The following SBSN variants were observed in gnomAD, a reference collection of about 807,000 sequenced individuals.
The protein encoded by SBSN is HLAR698.
A neutral mutation model predicts 42.8 loss-of-function variants in SBSN; 33 were observed. The ratio of observed to expected loss-of-function variants is 0.77; its 90% CI spans 0.58 to 1.03. SBSN has a LOEUF of 1.03. Ranked by LOEUF, SBSN falls within the 50% of genes least tolerant of loss-of-function variation. The pLI is 0.00. For synonymous variants in SBSN, 276 were observed against 307.0 expected (o/e 0.90, Z 1.06); for missense variants, 646 against 757.3 (o/e 0.85, Z 1.72).
At position 35,527,510 on chromosome 19, in the gene SBSN, C is replaced by T. The variant is rs756150569; in HGVS notation, c.772G>A (p.Gly258Arg). 3 of 1,534,194 alleles carry T rather than the reference C, an allele frequency of 2.0e-6. No homozygotes were observed. The Admixed American group carries it at 6.1e-5, about 31-fold the overall frequency. The change falls in exon 1 of 4, where the codon GGG becomes AGG. Residue 258 changes from glycine (G) to arginine (R), a missense_variant. By Grantham distance (125) the Gly-to-Arg change is moderately radical (BLOSUM62 -2). This residue lies in a region of SBSN where 220 missense variants were observed against 334.5 expected (regional missense o/e 0.66). Coordinates refer to ENST00000452271, the MANE Select transcript of SBSN (RefSeq NM_001166034.2). ...TGGTGGACCCCCTGGCCAAATCTCC[C>T]TGCCTCATTTCCGGCCTGCCCCGCA... The part of the protein sequence containing the change: ...HAAGQAGNEA[G>R]RFGQGVHHGL...
chr19:35,527,861 C>A lies in SBSN; in HGVS notation c.421G>T (p.Gly141Trp), dbSNP rs764568346. ...DKLIHHGVHH[G>W]ANQAGSEAGK... ...GCCTCACTTCCCGCCTGGTTGGCCCCGTGATGGACCCCATGATGGATCAGT... is the reference window on the plus strand; with the variant it reads ...GCCTCACTTCCCGCCTGGTTGGCCCAGTGATGGACCCCATGATGGATCAGT... Residue 141 changes from glycine to tryptophan, a missense_variant, in exon 1 of 4, where the codon GGG becomes TGG. Around this residue, in one of 3 missense-constraint regions of SBSN, gnomAD observed 190 missense variants for 197.1 expected, o/e 0.96. Coordinates refer to ENST00000452271, the MANE Select transcript of SBSN (RefSeq NM_001166034.2). 2.5e-6 allele frequency: 4 copies of A among 1,614,154 alleles called. No individual in the cohort carries two copies. The highest frequency in any genetic ancestry group is 3.3e-5 in the Admixed American group (2 of 60,018).
chr19:35,526,568 G>A (rs1385475399), intron 1 of SBSN, 76 bp downstream of exon 1: 2 of 610,738 alleles, frequency 3.3e-6, no homozygotes, highest in Non-Finnish European at 2.4e-6. Context: ...CCCCCGCCCC[G>A]CCAAATGTCC....
intron 3 of SBSN, 71 bp from the exon 4 acceptor site, chr19:35,523,604 C>T (rs556157514): frequency 2.7e-5 from 40 of 1,505,962 alleles, no homozygotes; most frequent in African/African-American, 1.5e-4. Flanking sequence ...ACCTCAGCCC[C>T]GCCCCTCGGG....
Position 35,526,680 on chromosome 19 carries a change from GA to G in SBSN, c.1601del (p.Val534AlafsTer12). ...GGTTGGCCTCCTTGCTGGCTTGGTT[GA>G]CCCCATTATGAGCATTCTGCAGCTC... Reference protein sequence around the residue: ...GKELQNAHNGVNQASKEANQL... With the variant: ...GKELQNAHNGXNQASKEANQL... On this transcript the variant is annotated frameshift_variant, in exon 1 of 4. Coordinates refer to ENST00000452271, the MANE Select transcript of SBSN (RefSeq NM_001166034.2). LOFTEE classifies it high-confidence loss of function. The G allele has an allele frequency of 7.0e-7, 1 of 1,425,778 alleles. No homozygotes were observed. The highest frequency in any genetic ancestry group is 9.4e-7 in the Non-Finnish European group (1 of 1,065,638). The allele number at this position is 1,425,778 out of a possible 1,614,324, so 88.3% of individuals were successfully genotyped here.
chr19:35,524,429 C>T (rs1449825265), intron 3 of SBSN, among the ~76,000 whole-genome samples: 1 of 152,062 alleles, frequency 6.6e-6, no homozygotes, highest in Non-Finnish European at 1.5e-5. Context: ...GCCCCTCCTC[C>T]CTCCCTGGCT....
At chr19:35,526,605 A>ACCCCCCCTCCCCCCTCT in intron 1 of SBSN, 39 bp downstream of exon 1, 1 of 427,096 alleles carries the variant, frequency 2.3e-6, no homozygotes. Context: ...CCCTCCCCCA[A>ACCCCCCCTCCCCCCTCT]CCCCCCTGTC....
Position 35,528,263 on chromosome 19 carries a change from C to A in SBSN, c.19G>T (p.Val7Phe). 2 of 1,611,258 alleles carry A rather than the reference C, an allele frequency of 1.2e-6. No individual in the cohort carries two copies. The highest frequency in any genetic ancestry group is 1.7e-6 in the Non-Finnish European group (2 of 1,179,202). MHLARL[V>F]GSCSLLLLLG... ...AGCAGAAGGAGGGAGCAGGAGCCGA[C>A]CAGACGTGCAAGATGCATATTGCTG... The change falls in exon 1 of 4, where the codon GTC (valine) becomes TTC (phenylalanine). Residue 7 changes from valine (V) to phenylalanine (F), a missense_variant. Coordinates refer to ENST00000452271, the MANE Select transcript of SBSN (RefSeq NM_001166034.2).
intron 3 of SBSN, 35 bp downstream of exon 3, chr19:35,524,676 C>A: frequency 2.5e-6 from 4 of 1,611,832 alleles, no homozygotes; most frequent in Non-Finnish European, 3.4e-6. Context: ...TCTATCAGGA[C>A]GCAGAGCAGA....
chr19:35,524,582 T>G, intron 3 of SBSN, 129 bp downstream of exon 3: 1 of 852,936 alleles, frequency 1.2e-6, no homozygotes, highest in Non-Finnish European at 1.9e-6. Flanking sequence ...GGGTATCAGG[T>G]TGGAGGGTCT....
At chr19:35,526,607 C>CCCCCCCTCCCCCCTCT in intron 1 of SBSN, 37 bp downstream of exon 1, 1 of 1,140,108 alleles carries the variant, frequency 8.8e-7, no homozygotes, top group South Asian at 1.7e-5. Flanking sequence ...CTCCCCCAAC[C>CCCCCCCTCCCCCCTCT]CCCCTGTCCC....
At chr19:35,524,622 G>T in intron 3 of SBSN, 89 bp downstream of exon 3, 1 of 1,432,582 alleles carries the variant, frequency 7.0e-7, no homozygotes, top group Non-Finnish European at 9.8e-7. Flanking sequence ...GCCCGCCCGG[G>T]GAGCTGTCCA....
At chr19:35,524,072 C>T (rs2071341389) in intron 3 of SBSN, among the ~76,000 whole-genome samples, 2 of 152,214 alleles carry the variant, frequency 1.3e-5, no homozygotes, top group Admixed American at 6.5e-5. Flanking sequence ...CCCAGCCACT[C>T]AGGAGACTGA....
rs767428952 is a variant in SBSN at position 35,528,250 on chromosome 19, G to A, written c.32C>T (p.Ser11Phe). The A allele has an allele frequency of 3.1e-6, 5 of 1,613,170 alleles. No homozygotes were observed. Among genetic ancestry groups the A allele is most frequent in the Non-Finnish European group, 4.2e-6 (5 of 1,179,878 alleles). ...CAGGGCCCCCAGTAGCAGAAGGAGG[G>A]AGCAGGAGCCGACCAGACGTGCAAG... MHLARLVGSCSLLLLLGALSG... is the reference protein window; with the variant it reads MHLARLVGSCFLLLLLGALSG... Residue 11 changes from serine (S) to phenylalanine (F), a missense_variant, in exon 1 of 4, where the codon TCC (serine) becomes TTC (phenylalanine). Physicochemically the swap from Ser to Phe is radical, Grantham distance 155 (BLOSUM62 -2). Coordinates refer to ENST00000452271, the MANE Select transcript of SBSN (RefSeq NM_001166034.2).
rs772628748 is a variant in SBSN at position 35,528,062 on chromosome 19, T to G, written c.220A>C (p.Asn74His). The change falls in exon 1 of 4, where the codon AAC (asparagine) becomes CAC (histidine). Residue 74 changes from asparagine to histidine, a missense_variant. Physicochemically the swap from Asn to His is moderately conservative, Grantham distance 68. Transcript: ENST00000452271. ...EVEKVFNGLS[N>H]MGSHTGKELD... ...TCCTTGCCGGTGTGGCTCCCCATGT[T>G]GCTAAGTCCGTTGAAAACCTTCTCC... is the stretch of plus-strand genomic sequence containing the variant. 6.2e-7 allele frequency: 1 copy of G among 1,614,016 alleles called. No individual in the cohort carries two copies. Among genetic ancestry groups the G allele is most frequent in the African/African-American group, 1.3e-5 (1 of 75,024 alleles).
rs1418440155 is a variant in SBSN, at chr19:35,527,703, G to A, written c.579C>T (p.His193=). The change falls in exon 1 of 4, where the codon CAC becomes CAT. Residue 193 remains histidine, a synonymous_variant. Transcript: ENST00000452271. The part of the protein sequence containing the change: ...NEAGRFGQGV[H]HAAGQAGNEA... Reference sequence around the variant, plus strand: ...CATTTCCGGCCTGCCCTGCAGCATGGTGGACTCCCTGGCCAAACCTCCCAG... The same window carrying A: ...CATTTCCGGCCTGCCCTGCAGCATGATGGACTCCCTGGCCAAACCTCCCAG... The A allele has an allele frequency of 5.3e-6, 8 of 1,516,556 alleles. No homozygotes were observed. Among genetic ancestry groups the A allele is most frequent in the Non-Finnish European group, 7.1e-6 (8 of 1,134,128 alleles). The allele number at this position is 1,516,556 out of a possible 1,614,324, so 93.9% of individuals were successfully genotyped here. A position where few individuals can be genotyped will look rare whatever the true frequency, so the allele number is the denominator to read the frequency against.
intron 1 of SBSN, 149 bp downstream of exon 1, chr19:35,526,495 G>T: frequency 1.4e-6 from 1 of 738,236 alleles, no homozygotes; most frequent in Admixed American, 2.9e-5. Flanking sequence ...AGATGGGGAA[G>T]GGGGAGGAAC....
At position 35,528,196 on chromosome 19, in the gene SBSN, A is replaced by G; in HGVS notation, c.86T>C (p.Ile29Thr). Residue 29 changes from isoleucine (I) to threonine (T), a missense_variant, in exon 1 of 4, where the codon ATT becomes ACT. Physicochemically the swap from Ile to Thr is moderately conservative, Grantham distance 89. Coordinates refer to ENST00000452271, the MANE Select transcript of SBSN (RefSeq NM_001166034.2). ...LSGWAASDDP[I>T]EKVIEGINRG... ...GTTGATCCCTTCAATGACCTTCTCA[A>G]TGGGGTCATCGCTGGCCGCCCATCC... 6.2e-7 allele frequency: 1 copy of G among 1,613,756 alleles called. No individual in the cohort carries two copies. The highest frequency in any genetic ancestry group is 8.5e-7 in the Non-Finnish European group (1 of 1,179,950).
At position 35,526,874 on chromosome 19, in the gene SBSN, C is replaced by T. The variant is rs763744587; in HGVS notation, c.1408G>A (p.Gly470Arg). Reference sequence around the variant, plus strand: ...TGGACCGCTTTGTCTGCTTCCTTCCCGGCCTGTTCAAGGGTATGGTGAACT... The same window carrying T: ...TGGACCGCTTTGTCTGCTTCCTTCCTGGCCTGTTCAAGGGTATGGTGAACT... The part of the protein sequence containing the change: ...QGVHHTLEQA[G>R]KEADKAVQGF... Residue 470 changes from glycine (G) to arginine (R), a missense_variant, in exon 1 of 4, where the codon GGG becomes AGG. Gly to Arg is a moderately radical substitution (Grantham distance 125). Transcript: ENST00000452271. 60 of 1,613,696 alleles carry T rather than the reference C, an allele frequency of 3.7e-5. No individual in the cohort carries two copies. Among genetic ancestry groups the T allele is most frequent in the Middle Eastern group, 3.3e-4 (2 of 6,058 alleles).
chr19:35,523,888 A>C (rs964380744), intron 3 of SBSN, among the ~76,000 whole-genome samples: 1 of 152,164 alleles, frequency 6.6e-6, no homozygotes, highest in Non-Finnish European at 1.5e-5. Flanking sequence ...CAATAAGTGC[A>C]AAAAGAGGCT....
Sources: gnomAD v4.1 joint callset for allele counts (sites outside exome capture counted in the v4.1 genomes callset) on GRCh38, gnomAD v4.1.1 for gene constraint, gnomAD v4.1.1 regional missense constraint, MANE v1.5 for transcripts, NCBI Gene and HGNC (gene_info 2026-07-23, HGNC 2026-07-21) for gene names.